The following JMJD1C variants were observed in gnomAD, a reference collection of about 807,000 sequenced individuals.
JMJD1C encodes jumonji domain containing 1C.
In JMJD1C, 31 loss-of-function variants were observed where a neutral mutation model predicts 245.3. That is an observed-to-expected ratio of 0.13 (90% CI 0.09 to 0.17). JMJD1C has a LOEUF of 0.17. Among genes scored for constraint, JMJD1C ranks in the 10% least tolerant of loss-of-function variants. The pLI, the probability that JMJD1C is intolerant of heterozygous loss-of-function variation, is 1.00. For missense variants in JMJD1C, 2,691 were observed against 3,000.2 expected (o/e 0.90, Z 2.41); for synonymous variants, 1,057 against 1,017.4 (o/e 1.04, Z -0.74).
intron 1 of JMJD1C, among the ~76,000 whole-genome samples, chr10:63,389,444 CTT>C (rs374747144): frequency 2.1e-5 from 3 of 139,910 alleles, no homozygotes; most frequent in African/African-American, 7.8e-5. Context: ...TTTTGTTTTT[CTT>C]TTTTTTTTCC....
chr10:63,172,765 T>G (rs1589044055), intron 24 of JMJD1C, among the ~76,000 whole-genome samples: 1 of 150,936 alleles, frequency 6.6e-6, no homozygotes, highest in East Asian at 1.9e-4. Context: ...GTCTTACAGA[T>G]ACCTGACAGA....
intron 2 of JMJD1C, among the ~76,000 whole-genome samples, chr10:63,358,447 C>T (rs1945050423): frequency 6.6e-6 from 1 of 151,080 alleles, no homozygotes; most frequent in South Asian, 2.1e-4. Flanking sequence ...CCTGTCGTCC[C>T]AGCTACTCAC....
intron 2 of JMJD1C, among the ~76,000 whole-genome samples, chr10:63,320,486 C>T (rs1940719075): frequency 6.6e-6 from 1 of 152,070 alleles, no homozygotes; most frequent in South Asian, 2.1e-4. Flanking sequence ...CTGTCAGCCC[C>T]ATTGAGCTCA....
At chr10:63,331,462 T>C (rs1160463658) in intron 2 of JMJD1C, among the ~76,000 whole-genome samples, 1 of 152,188 alleles carries the variant, frequency 6.6e-6, no homozygotes, top group African/African-American at 2.4e-5. Context: ...TTTTTTTCAC[T>C]TTTAGATTAT....
intron 2 of JMJD1C, among the ~76,000 whole-genome samples, chr10:63,340,528 C>T (rs1943272163): frequency 6.6e-6 from 1 of 152,136 alleles, no homozygotes; most frequent in African/African-American, 2.4e-5. Context: ...AGAGAGAAGG[C>T]ATTTATGTTT....
Position 63,214,398 on chromosome 10 carries a change from T to G in JMJD1C, c.1769A>C (p.Asn590Thr), listed in dbSNP as rs992742430. The G allele has an allele frequency of 6.2e-7, 1 of 1,613,984 alleles. No homozygotes were observed. The highest frequency in any genetic ancestry group is 8.5e-7 in the Non-Finnish European group (1 of 1,180,004). ...TNASSGNDHL[N>T]MEKEKYVSYI... is the part of the protein sequence containing the mutation. The stretch of plus-strand genomic sequence containing the variant: ...AGAGACATACTTCTCTTTTTCCATG[T>G]TCAAGTGATCATTTCCTGAAGAAGC... The change falls in exon 8 of 26, where the codon AAC becomes ACC. Residue 590 changes from asparagine to threonine, a missense_variant. By Grantham distance (65) the Asn-to-Thr change is moderately conservative. Around this residue, in one of 9 missense-constraint regions of JMJD1C, gnomAD observed 1,562 missense variants for 1,490.7 expected, o/e 1.05. Transcript: ENST00000399262.
At chr10:63,344,065 T>C (rs981491870) in intron 2 of JMJD1C, among the ~76,000 whole-genome samples, 2 of 151,952 alleles carry the variant, frequency 1.3e-5, no homozygotes, top group African/African-American at 2.4e-5. Flanking sequence ...AAAACAAATA[T>C]AGGATAGCCT....
At chr10:63,345,878 G>C (rs1943774921) in intron 2 of JMJD1C, among the ~76,000 whole-genome samples, 1 of 151,952 alleles carries the variant, frequency 6.6e-6, no homozygotes, top group Admixed American at 6.6e-5. Context: ...GTAAAGCACG[G>C]TCTTTAACTC....
At chr10:63,268,065 T>A (rs1855832638) in intron 2 of JMJD1C, among the ~76,000 whole-genome samples, 1 of 151,924 alleles carries the variant, frequency 6.6e-6, no homozygotes, top group Non-Finnish European at 1.5e-5. Context: ...GGAGCTTATG[T>A]CTGCAGTCTT....
intron 2 of JMJD1C, among the ~76,000 whole-genome samples, chr10:63,334,988 G>A (rs983404287): frequency 2.8e-5 from 4 of 142,058 alleles, no homozygotes; most frequent in Non-Finnish European, 6.0e-5. Context: ...GATTACAGGC[G>A]TGAGCCACCA....
At chr10:63,308,624 A>G (rs923263056) in intron 2 of JMJD1C, among the ~76,000 whole-genome samples, 73 of 150,580 alleles carry the variant, frequency 4.8e-4, no homozygotes, top group Non-Finnish European at 4.3e-4. Flanking sequence ...AAAAAAAAAC[A>G]GTTGGAAGCT....
intron 2 of JMJD1C, among the ~76,000 whole-genome samples, chr10:63,308,533 A>G (rs1938617749): frequency 6.6e-6 from 1 of 152,094 alleles, no homozygotes; most frequent in South Asian, 2.1e-4. Context: ...CAGACTCTAA[A>G]ACATTAACAA....
Position 63,229,232 on chromosome 10 carries a change from C to T in JMJD1C, c.448-9249G>A, listed in dbSNP as rs930808597. On this transcript the variant is annotated intron_variant, in intron 3 of 25. Transcript: ENST00000399262. Reference sequence around the variant, plus strand: ...TAAAAGCAAGGGGTAATTAAGTCTCCGTATACAAAATTTCATCATTTGATT... The same window carrying T: ...TAAAAGCAAGGGGTAATTAAGTCTCTGTATACAAAATTTCATCATTTGATT... Among the ~76,000 whole-genome samples, 12 of 151,758 alleles carry T rather than the reference C, an allele frequency of 7.9e-5. No individual in the cohort carries two copies. In the East Asian group the frequency reaches 1.2e-3, roughly 15 times the overall value.
At position 63,465,798 on chromosome 10, in the gene JMJD1C, G is replaced by A. The variant is rs2133126409; in HGVS notation, c.-136C>T. The A allele has an allele frequency of 1.9e-6, 2 of 1,046,340 alleles. No homozygotes were observed. Among genetic ancestry groups the A allele is most frequent in the Non-Finnish European group, 2.9e-6 (2 of 697,828 alleles). The allele number at this position is 1,046,340 out of a possible 1,614,324, so 64.8% of individuals were successfully genotyped here. ...ACCCGAAAGAGCGCAGACTCGGGACGAACCGGCCGCTCTGCCCCGGACACA... is the reference window on the plus strand; with the variant it reads ...ACCCGAAAGAGCGCAGACTCGGGACAAACCGGCCGCTCTGCCCCGGACACA... On this transcript the variant is annotated 5_prime_UTR_variant, in exon 1 of 26. Transcript: ENST00000399262.
chr10:63,298,885 A>G (rs1859752165), intron 2 of JMJD1C, among the ~76,000 whole-genome samples: 1 of 151,994 alleles, frequency 6.6e-6, no homozygotes, highest in Non-Finnish European at 1.5e-5. Flanking sequence ...GGTGCCCACC[A>G]CCACGCCTGG....
At chr10:63,336,597 G>A (rs1942759265) in intron 2 of JMJD1C, among the ~76,000 whole-genome samples, 1 of 151,980 alleles carries the variant, frequency 6.6e-6, no homozygotes, top group African/African-American at 2.4e-5. Flanking sequence ...AAATAAAAAA[G>A]AAGAATGAGA....
intron 1 of JMJD1C, among the ~76,000 whole-genome samples, chr10:63,491,579 G>A (rs1954177351): frequency 6.6e-6 from 1 of 152,168 alleles, no homozygotes; most frequent in Admixed American, 6.5e-5. Flanking sequence ...CTAAGAAGGT[G>A]GATAAGAGTA....
chr10:63,375,534 A>ACG (rs1417099169), intron 2 of JMJD1C, among the ~76,000 whole-genome samples: 1 of 57,060 alleles, frequency 1.8e-5, no homozygotes, highest in Non-Finnish European at 4.0e-5. Flanking sequence ...TAATATTTAC[A>ACG]CGTGTGTGTG....
At chr10:63,410,351 C>T (rs908149924) in intron 1 of JMJD1C, among the ~76,000 whole-genome samples, 2 of 152,148 alleles carry the variant, frequency 1.3e-5, no homozygotes, top group African/African-American at 4.8e-5. Context: ...TTTGTGATCT[C>T]TACTTAGTCT....
Sources: allele counts gnomAD v4.1 joint callset (sites outside exome capture counted in the v4.1 genomes callset), GRCh38; gene constraint gnomAD v4.1.1; regional missense constraint gnomAD v4.1.1; transcripts MANE v1.5; gene names NCBI Gene and HGNC (gene_info 2026-07-23, HGNC 2026-07-21).